The following ZNF143 variants were observed in gnomAD, a reference collection of about 807,000 sequenced individuals.
ZNF143 encodes the protein zinc finger protein 143.
A neutral mutation model predicts 74.1 loss-of-function variants in ZNF143; 49 were observed. The ratio of observed to expected loss-of-function variants is 0.66; its 90% CI spans 0.53 to 0.84. The LOEUF (loss-of-function observed/expected upper bound fraction) is 0.84, where lower values mean the gene tolerates loss of function less well. ZNF143 is among the 40% of genes least tolerant of loss of function. ZNF143 has a pLI of 0.00. For synonymous variants in ZNF143, 304 were observed against 282.8 expected (o/e 1.07, Z -0.75); for missense variants, 637 against 793.4 (o/e 0.80, Z 2.37).
Position 9,508,863 on chromosome 11 carries a change from C to G in ZNF143, c.1375+17C>G. 2 of 1,554,938 alleles carry G rather than the reference C, an allele frequency of 1.3e-6. No homozygotes were observed. Among genetic ancestry groups the G allele is most frequent in the Non-Finnish European group, 1.7e-6 (2 of 1,148,112 alleles). ...CGCCCCCAGGTGAGAGTTTTGTCTACTATATTTTGTTTCTGAGTTTGAGAA... is the reference window on the plus strand; with the variant it reads ...CGCCCCCAGGTGAGAGTTTTGTCTAGTATATTTTGTTTCTGAGTTTGAGAA... On this transcript the variant is annotated intron_variant, in intron 12 of 15. Coordinates refer to ENST00000396602, the MANE Select transcript of ZNF143 (RefSeq NM_003442.6).
At chr11:9,487,808 T>C (rs774255279) in intron 7 of ZNF143, among the ~76,000 whole-genome samples, 4 of 152,210 alleles carry the variant, frequency 2.6e-5, no homozygotes, top group Non-Finnish European at 4.4e-5. Context: ...CATATCAGAT[T>C]GCTGTTTCTT....
chr11:9,494,576 G>GC, intron 7 of ZNF143, 70 bp from the exon 8 acceptor site: 4 of 1,512,860 alleles, frequency 2.6e-6, no homozygotes, highest in Non-Finnish European at 3.6e-6. Flanking sequence ...CTCCCCATGT[G>GC]CTAAGATTAC....
intron 10 of ZNF143, among the ~76,000 whole-genome samples, chr11:9,498,066 G>T (rs533974538): frequency 6.6e-6 from 1 of 152,048 alleles, no homozygotes; most frequent in East Asian, 1.9e-4. Context: ...TTCTGACCTC[G>T]TGATCCGCCC....
Position 9,474,595 on chromosome 11 carries a change from A to C in ZNF143, c.335A>C (p.Glu112Ala). Residue 112 changes from glutamate to alanine, a missense_variant, in exon 5 of 16, where the codon GAA (glutamate) becomes GCA (alanine). Physicochemically the swap from Glu to Ala is moderately radical, Grantham distance 107 (BLOSUM62 -1). Coordinates refer to ENST00000396602, the MANE Select transcript of ZNF143 (RefSeq NM_003442.6). ...RLEDGQAVQL[E>A]DGTTAFIHHT... ...GAGGATGGTCAAGCAGTACAGTTAG[A>C]AGATGGTACCACAGCATTTATTCAC... is the stretch of plus-strand genomic sequence containing the variant. 1 of 1,614,224 alleles carries C rather than the reference A, an allele frequency of 6.2e-7. No homozygotes were observed. Among genetic ancestry groups the C allele is most frequent in the Non-Finnish European group, 8.5e-7 (1 of 1,180,044 alleles).
intron 1 of ZNF143, among the ~76,000 whole-genome samples, chr11:9,467,201 G>A (rs149294357): frequency 6.8e-6 from 1 of 147,602 alleles, no homozygotes; most frequent in Admixed American, 6.8e-5. Context: ...CCAACTATGT[G>A]TAATACTCTT....
At chr11:9,510,761 C>A (rs570389893) in intron 12 of ZNF143, among the ~76,000 whole-genome samples, 2 of 151,990 alleles carry the variant, frequency 1.3e-5, no homozygotes, top group South Asian at 4.1e-4. Flanking sequence ...TTTCTGACTT[C>A]ATGGGAGGTA....
rs954404348 is a variant in ZNF143 at position 9,520,025 on chromosome 11, A to ATTTTTTTTTTTT, written c.1686+3681_1686+3692dup. The stretch of plus-strand genomic sequence containing the variant: ...ATGTAGCAAGACACTGTTTCCACCA[A>ATTTTTTTTTTTT]TTTTTTTTTTTTTTTTTTTTTTTTT... On this transcript the variant is annotated intron_variant, in intron 14 of 15. Transcript: ENST00000396602. Among the ~76,000 whole-genome samples the ATTTTTTTTTTTT allele has an allele frequency of 5.5e-4, 50 of 91,378 alleles. 1 individual carries two copies. Among genetic ancestry groups the ATTTTTTTTTTTT allele is most frequent in the African/African-American group, 2.3e-3 (48 of 21,022 alleles). 59.9% of individuals were successfully genotyped at this position (91,378 alleles called of 152,430 possible).
chr11:9,479,384 T>G, intron 6 of ZNF143, 88 bp from the exon 7 acceptor site: 1 of 997,802 alleles, frequency 1.0e-6, no homozygotes, highest in Non-Finnish European at 1.4e-6. Context: ...TCTTTTTTTT[T>G]GCAAGCTTCT....
At chr11:9,486,412 A>AATATATTATATATAATATATATAAT (rs1554964446) in intron 7 of ZNF143, among the ~76,000 whole-genome samples, 1 of 19,326 alleles carries the variant, frequency 5.2e-5, no homozygotes, top group Non-Finnish European at 1.0e-4. Flanking sequence ...TTATATATAT[A>AATATATTATATATAATATATATAAT]ATATATATTA....
At chr11:9,464,073 CG>C (rs1333460799) in intron 1 of ZNF143, among the ~76,000 whole-genome samples, 34 of 132,946 alleles carry the variant, frequency 2.6e-4, no homozygotes, top group African/African-American at 9.0e-4. Flanking sequence ...TTAGGGATGT[CG>C]TGTGTGTGTG....
chr11:9,474,001 A>G lies in ZNF143; in HGVS notation c.266A>G (p.Gln89Arg). ...QLEDGSAAYVQHVPIPKSTGD... is the reference protein window; with the variant it reads ...QLEDGSAAYVRHVPIPKSTGD... The stretch of plus-strand genomic sequence containing the variant: ...GAAGATGGTTCTGCGGCCTATGTTC[A>G]ACATGTACCCATACCTAAAAGTAGT... Residue 89 changes from glutamine (Q) to arginine (R), a missense_variant, in exon 4 of 16, where the codon CAA becomes CGA. This residue lies in a region of ZNF143 where 293 missense variants were observed against 307.8 expected (regional missense o/e 0.95). Transcript: ENST00000396602. 1 of 1,613,726 alleles carries G rather than the reference A, an allele frequency of 6.2e-7. No individual in the cohort carries two copies. The highest frequency in any genetic ancestry group is 8.5e-7 in the Non-Finnish European group (1 of 1,179,700).
At position 9,471,307 on chromosome 11, in the gene ZNF143, A is replaced by T. The variant is rs1381315618; in HGVS notation, c.-2A>T. The stretch of plus-strand genomic sequence containing the variant: ...TGTCTTTATTTTTCTTCAAGGTAGA[A>T]GATGTTGTTAGCCCAAATAAATCGA... On this transcript the variant is annotated 5_prime_UTR_variant, in exon 2 of 16. It adds an upstream start codon to the 5' untranslated region. Transcript: ENST00000396602. The T allele has an allele frequency of 6.2e-7, 1 of 1,602,838 alleles. No individual in the cohort carries two copies. The highest frequency in any genetic ancestry group is 8.5e-7 in the Non-Finnish European group (1 of 1,176,724).
intron 5 of ZNF143, among the ~76,000 whole-genome samples, chr11:9,477,986 C>T (rs1200997545): frequency 6.6e-6 from 1 of 152,142 alleles, no homozygotes; most frequent in Non-Finnish European, 1.5e-5. Flanking sequence ...CCACCGTGCC[C>T]TGCTAAGTTT....
chr11:9,469,437 G>C (rs1386237833), intron 1 of ZNF143, among the ~76,000 whole-genome samples: 1 of 151,828 alleles, frequency 6.6e-6, no homozygotes. Flanking sequence ...TCACCTTGTT[G>C]GTCAGGCTGA....
At chr11:9,468,451 A>G (rs1486380323) in intron 1 of ZNF143, among the ~76,000 whole-genome samples, 2 of 152,168 alleles carry the variant, frequency 1.3e-5, no homozygotes, top group African/African-American at 4.8e-5. Context: ...TCATATATTC[A>G]GTTTTTGAAT....
At chr11:9,507,535 C>T (rs1309503781) in intron 11 of ZNF143, among the ~76,000 whole-genome samples, 4 of 152,170 alleles carry the variant, frequency 2.6e-5, no homozygotes, top group Non-Finnish European at 5.9e-5. Flanking sequence ...CCCTCACTCT[C>T]GCCACTGAGC....
chr11:9,516,942 C>T (rs1003690734), intron 14 of ZNF143, among the ~76,000 whole-genome samples: 3 of 152,128 alleles, frequency 2.0e-5, no homozygotes, highest in South Asian at 2.1e-4. Context: ...TAATAGCTCT[C>T]TTCTGGTTTT....
intron 11 of ZNF143, among the ~76,000 whole-genome samples, chr11:9,507,491 T>A (rs1848405103): frequency 6.6e-6 from 1 of 152,224 alleles, no homozygotes. Context: ...ACAAGCCTAC[T>A]ACAAATGAGC....
chr11:9,498,797 G>T (rs1232454549), intron 10 of ZNF143, among the ~76,000 whole-genome samples: 1 of 152,202 alleles, frequency 6.6e-6, no homozygotes, highest in African/African-American at 2.4e-5. Context: ...TGATAACTGT[G>T]TCCCCATGTA....
Sources: allele counts gnomAD v4.1 joint callset (sites outside exome capture counted in the v4.1 genomes callset), GRCh38; gene constraint gnomAD v4.1.1; regional missense constraint gnomAD v4.1.1; transcripts MANE v1.5; gene names NCBI Gene and HGNC (gene_info 2026-07-23, HGNC 2026-07-21).